GRID1: variants seen among roughly 807,000 people sequenced by gnomAD.
GRID1 encodes glutamate ionotropic receptor delta type subunit 1, also known as glutamate receptor ionotropic, delta-1.
In GRID1, 28 loss-of-function variants were observed where a neutral mutation model predicts 98.0. The ratio of observed to expected loss-of-function variants is 0.29; its 90% CI spans 0.21 to 0.39. The LOEUF (loss-of-function observed/expected upper bound fraction) is 0.39, where lower values mean the gene tolerates loss of function less well. GRID1 is among the 10% of genes least tolerant of loss of function. The pLI is 1.00. For missense variants in GRID1, 1,111 were observed against 1,340.5 expected (o/e 0.83, Z 2.67); for synonymous variants, 553 against 538.5 (o/e 1.03, Z -0.37).
At chr10:86,273,323 T>C in intron 2 of GRID1, among the ~76,000 whole-genome samples, 1 of 127,786 alleles carries the variant, frequency 7.8e-6, no homozygotes. Flanking sequence ...TGTTGGACAT[T>C]TGGGTTGGTT....
intron 3 of GRID1, among the ~76,000 whole-genome samples, chr10:86,143,518 T>C (rs1845039437): frequency 6.6e-6 from 1 of 152,144 alleles, no homozygotes; most frequent in Non-Finnish European, 1.5e-5. Flanking sequence ...CCAGAATCCC[T>C]TGGCTCCCAC....
chr10:85,706,499 G>C (rs541308405), intron 12 of GRID1, among the ~76,000 whole-genome samples: 21 of 152,228 alleles, frequency 1.4e-4, no homozygotes, highest in East Asian at 5.8e-4. Flanking sequence ...ATGCTCATGG[G>C]TAGGAAGAAT....
intron 2 of GRID1, among the ~76,000 whole-genome samples, chr10:86,232,017 C>A (rs188640266): frequency 6.6e-6 from 1 of 152,222 alleles, no homozygotes. Flanking sequence ...TTTTACCTCC[C>A]AGAGACTGGG....
Position 86,268,859 on chromosome 10 carries a change from C to A in GRID1, c.236-62211G>T, listed in dbSNP as rs551621883. ...TACAAAAATGAGCTGGGTGTGGTGG[C>A]ACATGCCTGTAGTCCCAGCTACTTG... On this transcript the variant is annotated intron_variant, in intron 2 of 15. Transcript: ENST00000327946. 2.6e-5 allele frequency among the ~76,000 whole-genome samples: 4 copies of A among 152,236 alleles called. No individual in the cohort carries two copies. In the East Asian group the frequency reaches 7.7e-4, roughly 29 times the overall value.
intron 12 of GRID1, among the ~76,000 whole-genome samples, chr10:85,659,039 T>C (rs1438153126): frequency 6.6e-6 from 1 of 152,188 alleles, no homozygotes; most frequent in East Asian, 1.9e-4. Flanking sequence ...TAGACAATTA[T>C]GGGGCTGGAG....
rs753360042 is a variant in GRID1, at chr10:85,727,873, G to C, written c.1515C>G (p.Ile505Met). 2.5e-6 allele frequency: 4 copies of C among 1,613,296 alleles called. No individual in the cohort carries two copies. Among genetic ancestry groups the C allele is most frequent in the Non-Finnish European group, 3.4e-6 (4 of 1,179,668 alleles). The change falls in exon 10 of 16, where the codon ATC becomes ATG. Residue 505 changes from isoleucine (I) to methionine (M), a missense_variant. By Grantham distance (10) the Ile-to-Met change is conservative (BLOSUM62 1). This residue lies in a region of GRID1 where 762 missense variants were observed against 869.1 expected (regional missense o/e 0.88). Coordinates refer to ENST00000327946, the MANE Select transcript of GRID1 (RefSeq NM_017551.3). The part of the protein sequence containing the change: ...QLHNTSWNGM[I>M]GELISKRADL... ...GACCTACCTTGCTGATGAGCTCCCC[G>C]ATCATCCCGTTCCAGGAGGTGTTAT...
In GRID1 at chr10:85,947,451, G is replaced by T. The variant is rs983031483; in HGVS notation, c.727-31212C>A. ...TAAAATATAATTTAAAAATATGTAT[G>T]TAGAGCACGTATGAGCAAGGCAGCC... On this transcript the variant is annotated intron_variant, in intron 4 of 15. Transcript: ENST00000327946. 7.9e-5 allele frequency among the ~76,000 whole-genome samples: 12 copies of T among 152,340 alleles called. 1 individual carries two copies. The highest frequency in any genetic ancestry group is 2.9e-4 in the African/African-American group (12 of 41,584).
intron 4 of GRID1, among the ~76,000 whole-genome samples, chr10:85,986,714 C>T (rs962330379): frequency 2.6e-5 from 4 of 152,210 alleles, no homozygotes; most frequent in African/African-American, 9.6e-5. Context: ...TGCATCTGCT[C>T]CTATGTCTAA....
At chr10:86,322,094 T>C (rs1327247930) in intron 2 of GRID1, among the ~76,000 whole-genome samples, 5 of 151,924 alleles carry the variant, frequency 3.3e-5, no homozygotes, top group Admixed American at 1.3e-4. Flanking sequence ...ATGAACTAGA[T>C]CTGGGAACCA....
intron 4 of GRID1, among the ~76,000 whole-genome samples, chr10:85,977,906 T>TG (rs1842493824): frequency 6.6e-6 from 1 of 152,144 alleles, no homozygotes; most frequent in African/African-American, 2.4e-5. Flanking sequence ...AGGTCTGGTC[T>TG]ATCTAGTGCC....
chr10:85,961,078 C>T (rs575057674), intron 4 of GRID1, among the ~76,000 whole-genome samples: 1 of 151,984 alleles, frequency 6.6e-6, no homozygotes, highest in Non-Finnish European at 1.5e-5. Flanking sequence ...GTGGGCCCTG[C>T]CTTGTTGAAT....
chr10:86,134,934 G>A (rs1017274023), intron 4 of GRID1, among the ~76,000 whole-genome samples: 4 of 152,176 alleles, frequency 2.6e-5, no homozygotes. Context: ...CACCAAGCTG[G>A]GAGCCCTGTG....
chr10:85,996,437 T>C (rs1842739187), intron 4 of GRID1, among the ~76,000 whole-genome samples: 2 of 151,912 alleles, frequency 1.3e-5, no homozygotes, highest in African/African-American at 4.8e-5. Flanking sequence ...AACTAAAATT[T>C]AACAACAAAA....
chr10:85,923,204 A>C (rs533961468), intron 4 of GRID1, among the ~76,000 whole-genome samples: 1 of 151,892 alleles, frequency 6.6e-6, no homozygotes, highest in Admixed American at 6.6e-5. Context: ...CAAGGCCCCC[A>C]CCCTTGGCAG....
At chr10:86,165,812 G>A (rs1201440060) in intron 3 of GRID1, among the ~76,000 whole-genome samples, 1 of 152,072 alleles carries the variant, frequency 6.6e-6, no homozygotes, top group African/African-American at 2.4e-5. Context: ...GGGCAAGACG[G>A]CGCTGTGAGT....
At chr10:85,670,566 A>G (rs954131445) in intron 12 of GRID1, among the ~76,000 whole-genome samples, 2 of 152,176 alleles carry the variant, frequency 1.3e-5, no homozygotes, top group Non-Finnish European at 2.9e-5. Flanking sequence ...TTTTGTCTAT[A>G]AAGACAAAAT....
intron 4 of GRID1, among the ~76,000 whole-genome samples, chr10:85,981,882 G>A (rs1010426014): frequency 6.6e-6 from 1 of 152,174 alleles, no homozygotes; most frequent in Admixed American, 6.5e-5. Context: ...GCGGGAGAGG[G>A]ACCAGGGAGA....
chr10:86,106,747 G>A (rs971271373), intron 4 of GRID1, among the ~76,000 whole-genome samples: 8 of 152,110 alleles, frequency 5.3e-5, no homozygotes, highest in African/African-American at 1.7e-4. Context: ...GCATGTCTAC[G>A]GAAGCAAGGG....
intron 4 of GRID1, among the ~76,000 whole-genome samples, chr10:86,086,435 T>C (rs1414455702): frequency 6.6e-6 from 1 of 152,198 alleles, no homozygotes; most frequent in Non-Finnish European, 1.5e-5. Flanking sequence ...AGATTGCTTT[T>C]AAATAGGAAC....
Sources: gnomAD v4.1 joint callset for allele counts (sites outside exome capture counted in the v4.1 genomes callset) on GRCh38, gnomAD v4.1.1 for gene constraint, gnomAD v4.1.1 regional missense constraint, MANE v1.5 for transcripts, NCBI Gene and HGNC (gene_info 2026-07-23, HGNC 2026-07-21) for gene names.